Variants in MRPS5 observed in about 807,000 individuals in gnomAD.
MRPS5 encodes small ribosomal subunit protein uS5m.
A neutral mutation model predicts 51.9 loss-of-function variants in MRPS5; 27 were observed. The observed-to-expected ratio is 0.52, with a 90% CI of 0.38 to 0.72. The LOEUF (loss-of-function observed/expected upper bound fraction) is 0.72, where lower values mean the gene tolerates loss of function less well. Ranked by LOEUF, MRPS5 falls within the 30% of genes least tolerant of loss-of-function variation. The pLI, the probability that MRPS5 is intolerant of heterozygous loss-of-function variation, is 0.00. For missense variants in MRPS5, 570 were observed against 545.7 expected (o/e 1.04, Z -0.44); for synonymous variants, 196 against 193.2 (o/e 1.01, Z -0.12).
At chr2:95,098,210 A>G (rs1032465919) in intron 10 of MRPS5, among the ~76,000 whole-genome samples, 120 of 152,310 alleles carry the variant, frequency 7.9e-4, no homozygotes, top group African/African-American at 2.7e-3. Flanking sequence ...GAGAGGATGT[A>G]AAGAAACAGG....
chr2:95,121,858 T>C, upstream of MRPS5: 1 of 1,468,566 alleles, frequency 6.8e-7, no homozygotes, highest in African/African-American at 1.5e-5. Flanking sequence ...CCGCGACTGC[T>C]CCTCGTCAAA....
At chr2:95,117,837 A>T in intron 2 of MRPS5, 28 bp downstream of exon 2, 1 of 1,538,866 alleles carries the variant, frequency 6.5e-7, no homozygotes, top group South Asian at 1.2e-5. Context: ...ATCTTATGAG[A>T]AAAGGTAGTA....
chr2:95,107,645 C>T (rs1675989511), intron 5 of MRPS5, among the ~76,000 whole-genome samples: 2 of 152,232 alleles, frequency 1.3e-5, no homozygotes, highest in African/African-American at 4.8e-5. Context: ...TTCCTCTTCT[C>T]CCACTCATTG....
At chr2:95,093,464 C>T (rs1675529696) in intron 10 of MRPS5, 1 of 152,260 alleles carries the variant, frequency 6.6e-6, no homozygotes, top group South Asian at 2.1e-4. Context: ...TAGGGACCGA[C>T]CGACACCTCA....
chr2:95,090,133 C>T lies in MRPS5; in HGVS notation c.1068+253G>A, dbSNP rs373949510. Among the ~76,000 whole-genome samples the T allele has an allele frequency of 1.9e-4, 28 of 147,348 alleles. 1 individual carries two copies. Among genetic ancestry groups the T allele is most frequent in the African/African-American group, 5.8e-4 (23 of 39,568 alleles). ...CGGAGCTTGCAGTGAGCCGGGATCC[C>T]GCCACTGCACTCCAGCCTGGGTGAC... On this transcript the variant is annotated intron_variant, in intron 11 of 11. Coordinates refer to ENST00000272418, the MANE Select transcript of MRPS5 (RefSeq NM_031902.5).
At chr2:95,117,045 G>A (rs1460717726) in intron 2 of MRPS5, among the ~76,000 whole-genome samples, 7 of 152,006 alleles carry the variant, frequency 4.6e-5, no homozygotes, top group African/African-American at 1.5e-4. Flanking sequence ...AGAGGCTGAG[G>A]CAGGAGAATC....
chr2:95,101,697 G>A lies in MRPS5; in HGVS notation c.790C>T (p.Arg264Trp), dbSNP rs376111435. The change falls in exon 8 of 12, where the codon CGG becomes TGG. Residue 264 changes from arginine (R) to tryptophan (W), a missense_variant. Arg to Trp is a moderately radical substitution (Grantham distance 101, BLOSUM62 -3). Coordinates refer to ENST00000272418, the MANE Select transcript of MRPS5 (RefSeq NM_031902.5). ...CATACTTTCCTGAAAGCATCCATCC[G>A]ATCAGTAGCTTTCCCAATAGAAAAA... ...AGFSIGKATD[R>W]MDAFRKAKNR... 21 of 1,599,944 alleles carry A rather than the reference G, an allele frequency of 1.3e-5. No homozygotes were observed. Among genetic ancestry groups the A allele is most frequent in the Middle Eastern group, 1.7e-4 (1 of 6,006 alleles).
chr2:95,088,664 CATATT>C (rs1675369490), intron 11 of MRPS5, among the ~76,000 whole-genome samples: 1 of 152,200 alleles, frequency 6.6e-6, no homozygotes, highest in African/African-American at 2.4e-5. Context: ...TTTTGAGTGA[CATATT>C]AAATAATGCA....
intron 3 of MRPS5, among the ~76,000 whole-genome samples, chr2:95,112,719 G>C (rs570624606): frequency 1.3e-3 from 205 of 152,246 alleles, no homozygotes; most frequent in Non-Finnish European, 2.4e-3. Context: ...CAAGTACTGA[G>C]TCAGGCCAGG....
Position 95,090,395 on chromosome 2 carries a change from G to A in MRPS5, c.1059C>T (p.Leu353=), listed in dbSNP as rs368313128. 3 of 1,613,632 alleles carry A rather than the reference G, an allele frequency of 1.9e-6. No individual in the cohort carries two copies. Among genetic ancestry groups the A allele is most frequent in the East Asian group, 2.2e-5 (1 of 44,872 alleles). Residue 353 remains leucine (L), a synonymous_variant, in exon 11 of 12, where the codon CTC becomes CTT. Coordinates refer to ENST00000272418, the MANE Select transcript of MRPS5 (RefSeq NM_031902.5). ...LSLTQGLFRG[L]SRQETHQQLA... ...CCCGGGAAAGGATTACCTGTCTGGAGAGCCCACGGAAGAGGCCCTGGGTGA... is the reference window on the plus strand; with the variant it reads ...CCCGGGAAAGGATTACCTGTCTGGAAAGCCCACGGAAGAGGCCCTGGGTGA...
chr2:95,094,723 G>T (rs927640955), intron 10 of MRPS5, among the ~76,000 whole-genome samples: 1 of 152,162 alleles, frequency 6.6e-6, no homozygotes, highest in Admixed American at 6.6e-5. Flanking sequence ...AAGAACTCCT[G>T]AAGGAAGCAC....
intron 2 of MRPS5, among the ~76,000 whole-genome samples, chr2:95,116,514 CTTTG>C (rs1199463259): frequency 1.3e-5 from 2 of 152,214 alleles, no homozygotes; most frequent in African/African-American, 2.4e-5. Flanking sequence ...TTACAACCAA[CTTTG>C]TTTAAAACGT....
At chr2:95,118,682 C>T (rs1676359361) in intron 1 of MRPS5, among the ~76,000 whole-genome samples, 1 of 152,228 alleles carries the variant, frequency 6.6e-6, no homozygotes, top group South Asian at 2.1e-4. Context: ...TACTCCAGAA[C>T]AGGCTCTGAC....
At chr2:95,115,278 A>T in intron 2 of MRPS5, 75 bp from the exon 3 acceptor site, 1 of 1,293,186 alleles carries the variant, frequency 7.7e-7, no homozygotes, top group Non-Finnish European at 1.0e-6. Flanking sequence ...TCAAATAATC[A>T]TTACTAACAA....
chr2:95,100,555 A>G lies in MRPS5; in HGVS notation c.869-19T>C, dbSNP rs369193992. On this transcript the variant is annotated intron_variant, in intron 9 of 11. Coordinates refer to ENST00000272418, the MANE Select transcript of MRPS5 (RefSeq NM_031902.5). ...TGGAATACTGGAGGGTAAAAACATA[A>G]ACACAAGAGGATTAGGTGTGTGGCT... 1.3e-6 allele frequency: 2 copies of G among 1,566,544 alleles called. No homozygotes were observed. The highest frequency in any genetic ancestry group is 3.4e-5 in the Admixed American group (2 of 59,692).
chr2:95,088,553 T>G (rs924701673), intron 11 of MRPS5, among the ~76,000 whole-genome samples: 1 of 152,236 alleles, frequency 6.6e-6, no homozygotes, highest in Admixed American at 6.5e-5. Context: ...GCAGTATGTG[T>G]GAAATTAGAA....
Position 95,108,357 on chromosome 2 carries a change from C to T in MRPS5, c.455G>A (p.Gly152Glu). ...PGLNVPLMKNGAVQTIAQRSK... is the reference protein window; with the variant it reads ...PGLNVPLMKNEAVQTIAQRSK... ...TCTTTGGGCAATGGTCTGCACTGCT[C>T]CATTTTTCATAAGAGGGACATTCAG... is the stretch of plus-strand genomic sequence containing the variant. The change falls in exon 5 of 12, where the codon GGA (glycine) becomes GAA (glutamate). Residue 152 changes from glycine to glutamate, a missense_variant. Transcript: ENST00000272418. 1 of 1,614,142 alleles carries T rather than the reference C, an allele frequency of 6.2e-7. No homozygotes were observed. Among genetic ancestry groups the T allele is most frequent in the South Asian group, 1.1e-5 (1 of 91,074 alleles).
rs569076023 is a variant in MRPS5, at chr2:95,102,161, A to C, written c.764-438T>G. ...AGCAAGACCCTGTCTCAAAACAAAA[A>C]AAAAAAACCTAACAATAACAAAGCA... On this transcript the variant is annotated intron_variant, in intron 7 of 11. Coordinates refer to ENST00000272418, the MANE Select transcript of MRPS5 (RefSeq NM_031902.5). Among the ~76,000 whole-genome samples, 7 of 152,214 alleles carry C rather than the reference A, an allele frequency of 4.6e-5. No homozygotes were observed. The South Asian group carries it at 6.2e-4, about 14-fold the overall frequency.
At chr2:95,091,453 A>G (rs1207651363) in intron 10 of MRPS5, 2 of 152,326 alleles carry the variant, frequency 1.3e-5, no homozygotes, top group East Asian at 3.9e-4. Context: ...GCACTCAACG[A>G]AACCTGTTTA....
Sources: gnomAD v4.1 joint callset for allele counts (sites outside exome capture counted in the v4.1 genomes callset) on GRCh38, gnomAD v4.1.1 for gene constraint, MANE v1.5 for transcripts, NCBI Gene and HGNC (gene_info 2026-07-23, HGNC 2026-07-21) for gene names.